KCNQ1: variants seen among roughly 807,000 people sequenced by gnomAD.
KCNQ1 encodes potassium voltage-gated channel subfamily Q member 1.
KCNQ1 carries 49 observed loss-of-function variants against 72.4 expected under a neutral mutation model. That is an observed-to-expected ratio of 0.68 (90% CI 0.54 to 0.86). KCNQ1 has a LOEUF of 0.86. KCNQ1 is among the 40% of genes least tolerant of loss of function. The probability of loss-of-function intolerance (pLI) is 0.00; values close to 1 mark genes in which losing one functional copy is unlikely to be tolerated. For synonymous variants in KCNQ1, 450 were observed against 412.6 expected (o/e 1.09, Z -1.10); for missense variants, 790 against 945.1 (o/e 0.84, Z 2.15).
Position 2,537,459 on chromosome 11 carries a change from G to A in KCNQ1, c.477+9441G>A, listed in dbSNP as rs1036332560. 1.8e-4 allele frequency among the ~76,000 whole-genome samples: 28 copies of A among 152,236 alleles called. No homozygotes were observed. Among genetic ancestry groups the A allele is most frequent in the South Asian group, 1.7e-3 (8 of 4,830 alleles). On this transcript the variant is annotated intron_variant, in intron 2 of 15. Coordinates refer to ENST00000155840, the MANE Select transcript of KCNQ1 (RefSeq NM_000218.3). The surrounding 1 kb of genome is among the most constrained non-coding windows in gnomAD (Gnocchi z 5.2). ...TTTGGGAAAATAGAAGTGGGAGAGC[G>A]TGTGCCCCGGGCCAGCCCACCGTGC...
At chr11:2,632,396 C>T in intron 10 of KCNQ1, 1 of 398,388 alleles carries the variant, frequency 2.5e-6, no homozygotes, top group Admixed American at 4.4e-5. Flanking sequence ...AAAGCCACTA[C>T]TATGTTTAAT....
chr11:2,580,311 ACG>A, intron 6 of KCNQ1, among the ~76,000 whole-genome samples: 1 of 152,090 alleles, frequency 6.6e-6, no homozygotes, highest in African/African-American at 2.4e-5. Context: ...GGTGCCCCTG[ACG>A]GAGAAGCCTG....
Position 2,695,633 on chromosome 11 carries a change from G to C in KCNQ1, c.1514+33552G>C, listed in dbSNP as rs1182914605. ...AGCATGTTTACTTAGGAGGGAAACT[G>C]CTGGGCCACAGGTATAAAATATTTT... On this transcript the variant is annotated intron_variant, in intron 11 of 15. Coordinates refer to ENST00000155840, the MANE Select transcript of KCNQ1 (RefSeq NM_000218.3). The surrounding 1 kb of genome is among the most constrained non-coding windows in gnomAD (Gnocchi z 5.2). The C allele has an allele frequency of 2.5e-6, 1 of 398,458 alleles. No homozygotes were observed. The highest frequency in any genetic ancestry group is 4.4e-6 in the Non-Finnish European group (1 of 226,080). The allele number at this position is 398,458 out of a possible 1,614,324, so 24.7% of individuals were successfully genotyped here. A position where few individuals can be genotyped will look rare whatever the true frequency, so the allele number is the denominator to read the frequency against.
intron 15 of KCNQ1, among the ~76,000 whole-genome samples, chr11:2,801,651 G>A (rs1031106968): frequency 2.6e-5 from 4 of 152,212 alleles, no homozygotes; most frequent in African/African-American, 9.7e-5. Flanking sequence ...CAGTCACATT[G>A]GGGATTAGGG....
intron 2 of KCNQ1, among the ~76,000 whole-genome samples, chr11:2,540,778 C>A (rs1032667751): frequency 2.6e-5 from 4 of 152,210 alleles, no homozygotes; most frequent in Non-Finnish European, 4.4e-5. Context: ...GAGAGCACAG[C>A]CTGGGGACTT....
rs925225854 is a variant in KCNQ1, at chr11:2,458,675, G to A, written c.386+13191G>A. Among the ~76,000 whole-genome samples the A allele has an allele frequency of 1.5e-3, 211 of 144,790 alleles. No individual in the cohort carries two copies. The highest frequency in any genetic ancestry group is 5.0e-3 in the African/African-American group (178 of 35,840). 95.0% of individuals were successfully genotyped at this position (144,790 alleles called of 152,430 possible). ...TGGATGGATGGATGGATGGATGGAT[G>A]GATGGATGGATCGATCGATCTCACC... is the stretch of plus-strand genomic sequence containing the variant. On this transcript the variant is annotated intron_variant, in intron 1 of 15. Transcript: ENST00000155840. This position sits in a 1 kb window ranked among gnomAD's most constrained non-coding sequence, Gnocchi z 4.6.
intron 10 of KCNQ1, chr11:2,631,811 T>G (rs1849357280): frequency 2.5e-6 from 1 of 398,560 alleles, no homozygotes; most frequent in Non-Finnish European, 4.4e-6. Flanking sequence ...TGGCCAAGGC[T>G]GAGTGTCCTG....
At chr11:2,513,653 G>T (rs1473686200) in intron 1 of KCNQ1, among the ~76,000 whole-genome samples, 1 of 152,194 alleles carries the variant, frequency 6.6e-6, no homozygotes, top group Non-Finnish European at 1.5e-5. Context: ...AGAGCCTGGG[G>T]GTGTCCCAGC....
At chr11:2,821,241 C>T (rs554029362) in intron 15 of KCNQ1, among the ~76,000 whole-genome samples, 1 of 152,348 alleles carries the variant, frequency 6.6e-6, no homozygotes, top group East Asian at 1.9e-4. Context: ...TTCCTCGCCT[C>T]TCAGCTGTGT....
intron 2 of KCNQ1, among the ~76,000 whole-genome samples, chr11:2,557,753 A>G (rs895672219): frequency 6.6e-6 from 1 of 152,248 alleles, no homozygotes; most frequent in Non-Finnish European, 1.5e-5. Flanking sequence ...ACTGAGAGCC[A>G]CCTGGCTGTA....
chr11:2,629,850 A>C (rs1328733000), intron 10 of KCNQ1: 2 of 397,744 alleles, frequency 5.0e-6, no homozygotes, highest in Non-Finnish European at 4.4e-6. Flanking sequence ...TTTTCTACAT[A>C]TATGATGTCA....
rs923158633 is a variant in KCNQ1 at position 2,574,163 on chromosome 11, C to A, written c.921+1177C>A. Among the ~76,000 whole-genome samples the A allele has an allele frequency of 3.3e-5, 5 of 152,310 alleles. 1 individual carries two copies. Among genetic ancestry groups the A allele is most frequent in the Admixed American group, 2.0e-4 (3 of 15,312 alleles). On this transcript the variant is annotated intron_variant, in intron 6 of 15. Coordinates refer to ENST00000155840, the MANE Select transcript of KCNQ1 (RefSeq NM_000218.3). ...GGAATGACTCCATCCCATCTCCCCCCACAGCTGCAGGGCCAGGTGGGCCGT... is the reference window on the plus strand; with the variant it reads ...GGAATGACTCCATCCCATCTCCCCCAACAGCTGCAGGGCCAGGTGGGCCGT...
chr11:2,640,642 C>A, intron 10 of KCNQ1: 3 of 397,498 alleles, frequency 7.5e-6, no homozygotes, highest in South Asian at 2.6e-4. Flanking sequence ...GTGTAATGAT[C>A]AAGTCAGGGT....
chr11:2,754,603 A>T (rs974482600), intron 11 of KCNQ1, among the ~76,000 whole-genome samples: 1 of 152,192 alleles, frequency 6.6e-6, no homozygotes, highest in African/African-American at 2.4e-5. Flanking sequence ...TTGGCATGTG[A>T]CCAAGGAGGT....
At position 2,849,000 on chromosome 11, in the gene KCNQ1, T is replaced by TGGGCA. The variant is rs960749277; in HGVS notation, c.*998_*1002dup. On this transcript the variant is annotated 3_prime_UTR_variant, in exon 16 of 16. Transcript: ENST00000155840. ...AAACGTGGAGAATCACAGGCTGGGC[T>TGGGCA]GGGCACTGCTCTCACCTTGGTTCCT... 1 of 454,078 alleles carries TGGGCA rather than the reference T, an allele frequency of 2.2e-6. No individual in the cohort carries two copies. The highest frequency in any genetic ancestry group is 2.0e-5 in the African/African-American group (1 of 50,034). The allele number at this position is 454,078 out of a possible 1,614,324, so 28.1% of individuals were successfully genotyped here.
chr11:2,688,369 C>T (rs1850528505), intron 11 of KCNQ1: 1 of 398,762 alleles, frequency 2.5e-6, no homozygotes, highest in Non-Finnish European at 4.4e-6. Flanking sequence ...GGAACTTCCC[C>T]GTAGAGGTTT....
chr11:2,573,458 G>A (rs1320773100), intron 6 of KCNQ1, among the ~76,000 whole-genome samples: 7 of 152,208 alleles, frequency 4.6e-5, no homozygotes, highest in Non-Finnish European at 8.8e-5. Flanking sequence ...CCAGACATGA[G>A]ACAGCAAACA....
chr11:2,552,717 C>T (rs1165920228), intron 2 of KCNQ1, among the ~76,000 whole-genome samples: 4 of 150,188 alleles, frequency 2.7e-5, no homozygotes, highest in Non-Finnish European at 4.4e-5. Context: ...GTGCCTCATG[C>T]ACGTCTTAGT....
At chr11:2,485,908 A>G (rs913460471) in intron 1 of KCNQ1, among the ~76,000 whole-genome samples, 14 of 152,356 alleles carry the variant, frequency 9.2e-5, no homozygotes, top group Non-Finnish European at 4.4e-5. Context: ...ATTCCACTGT[A>G]TGGATAGACC....
Sources: allele counts gnomAD v4.1 joint callset (sites outside exome capture counted in the v4.1 genomes callset), GRCh38; gene constraint gnomAD v4.1.1; non-coding constraint Gnocchi (gnomAD v3.1); transcripts MANE v1.5; gene names NCBI Gene and HGNC (gene_info 2026-07-23, HGNC 2026-07-21).